PCDHA9: variants seen among roughly 807,000 people sequenced by gnomAD.
The protein encoded by PCDHA9 is protocadherin alpha-9.
PCDHA9 carries 62 observed loss-of-function variants against 62.0 expected under a neutral mutation model. The observed-to-expected ratio is 1.00, with a 90% CI of 0.81 to 1.23. The LOEUF (loss-of-function observed/expected upper bound fraction) is 1.23. Ranked by LOEUF, PCDHA9 falls within the 50% of genes most tolerant of loss-of-function variation. PCDHA9 has a pLI of 0.00. For missense variants in PCDHA9, 1,205 were observed against 1,249.8 expected (o/e 0.96, Z 0.54); for synonymous variants, 557 against 567.6 (o/e 0.98, Z 0.27).
At chr5:140,906,403 T>A (rs1583592944) in intron 1 of PCDHA9, among the ~76,000 whole-genome samples, 1 of 152,220 alleles carries the variant, frequency 6.6e-6, no homozygotes, top group East Asian at 1.9e-4. Context: ...AATTTTCATA[T>A]GAAGTCAATA....
At chr5:140,933,618 G>T (rs2089270614) in intron 1 of PCDHA9, among the ~76,000 whole-genome samples, 1 of 151,904 alleles carries the variant, frequency 6.6e-6, no homozygotes, top group African/African-American at 2.4e-5. Flanking sequence ...TTCTTATTAG[G>T]TTAGGCTGGC....
chr5:140,996,630 A>G (rs765477034), intron 3 of PCDHA9, among the ~76,000 whole-genome samples: 10 of 152,210 alleles, frequency 6.6e-5, no homozygotes, highest in Non-Finnish European at 1.5e-4. Flanking sequence ...TGGTTCCTGC[A>G]AATTATGTAG....
chr5:140,851,635 T>TG lies in PCDHA9; in HGVS notation c.2394+746_2394+747insG, dbSNP rs758488624. On this transcript the variant is annotated intron_variant, in intron 1 of 3. Coordinates refer to ENST00000532602, the MANE Select transcript of PCDHA9 (RefSeq NM_031857.2). ...AGAAAATGCTTTTTAAACAAGTGTTTCCTTTCTTCAAGAAGACATTCTCCT... is the reference window on the plus strand; with the variant it reads ...AGAAAATGCTTTTTAAACAAGTGTTTGCCTTTCTTCAAGAAGACATTCTCCT... 201 of 917,124 alleles carry TG rather than the reference T, an allele frequency of 2.2e-4. 10 individuals are homozygous for TG. The highest frequency in any genetic ancestry group is 3.2e-4 in the Admixed American group (5 of 15,868). The allele number at this position is 917,124 out of a possible 1,614,324, so 56.8% of individuals were successfully genotyped here. A position where few individuals can be genotyped will look rare whatever the true frequency, so the allele number is the denominator to read the frequency against.
chr5:140,872,332 T>G (rs2053600467), intron 1 of PCDHA9, among the ~76,000 whole-genome samples: 1 of 152,172 alleles, frequency 6.6e-6, no homozygotes, highest in African/African-American at 2.4e-5. Context: ...ATGACTAAAA[T>G]TCTACATGTT....
At chr5:140,982,217 C>A in intron 2 of PCDHA9, 1 of 507,664 alleles carries the variant, frequency 2.0e-6, no homozygotes, top group Non-Finnish European at 3.1e-6. Flanking sequence ...CGCCACATGG[C>A]GTTAATAAAA....
At chr5:140,889,027 C>A (rs1004891593) in intron 1 of PCDHA9, among the ~76,000 whole-genome samples, 5 of 151,910 alleles carry the variant, frequency 3.3e-5, no homozygotes, top group African/African-American at 1.2e-4. Context: ...CCTTGGATAA[C>A]CGTAATTTGA....
Position 140,884,200 on chromosome 5 carries a change from C to T in PCDHA9, c.2394+33311C>T, listed in dbSNP as rs2060048327. 2.5e-6 allele frequency: 4 copies of T among 1,613,458 alleles called. No individual in the cohort carries two copies. The Admixed American group carries it at 5.0e-5, about 20-fold the overall frequency. Reference sequence around the variant, plus strand: ...CTCTGGACGAGGTGGACGCGCCGCACCACCGCCTTCTGGTGCTGGTGAAGG... The same window carrying T: ...CTCTGGACGAGGTGGACGCGCCGCATCACCGCCTTCTGGTGCTGGTGAAGG... On this transcript the variant is annotated intron_variant, in intron 1 of 3. Transcript: ENST00000532602.
chr5:140,884,688 CTTA>C (rs782481361), intron 1 of PCDHA9: 8 of 1,535,868 alleles, frequency 5.2e-6, no homozygotes, highest in Non-Finnish European at 8.8e-7. Flanking sequence ...AAAAAATTGT[CTTA>C]GTAAACACTT....
chr5:140,862,720 G>T (rs558152493), intron 1 of PCDHA9: 18 of 566,048 alleles, frequency 3.2e-5, no homozygotes, highest in Non-Finnish European at 6.2e-5. Flanking sequence ...GGGCGAGTGC[G>T]CGCTGTCTAG....
intron 1 of PCDHA9, among the ~76,000 whole-genome samples, chr5:140,944,732 G>A (rs1351639657): frequency 6.6e-6 from 1 of 152,142 alleles, no homozygotes; most frequent in Non-Finnish European, 1.5e-5. Context: ...ACCTTAGTAA[G>A]TCTGAGCATT....
chr5:140,853,603 G>A (rs1358386755), intron 1 of PCDHA9: 2 of 987,254 alleles, frequency 2.0e-6, no homozygotes, highest in South Asian at 4.7e-5. Flanking sequence ...GAGAGCAAAG[G>A]GGGTGCTGTA....
chr5:140,888,494 T>C (rs1554183489), intron 1 of PCDHA9, among the ~76,000 whole-genome samples: 1 of 152,236 alleles, frequency 6.6e-6, no homozygotes, highest in Non-Finnish European at 1.5e-5. Context: ...GAAACTCTGC[T>C]TTAAAGAGTC....
intron 1 of PCDHA9, chr5:140,857,046 G>A: frequency 6.3e-7 from 1 of 1,595,842 alleles, no homozygotes; most frequent in African/African-American, 1.3e-5. Context: ...GTTGGTCACT[G>A]CACGGTCCTA....
intron 1 of PCDHA9, among the ~76,000 whole-genome samples, chr5:140,964,816 T>A (rs79964853): frequency 0.016 from 2,494 of 151,960 alleles, 68 homozygotes; most frequent in African/African-American, 0.056. Context: ...CAGGAATAGA[T>A]TTTGATGAAA....
At chr5:140,976,486 G>T (rs782708902) in intron 1 of PCDHA9, among the ~76,000 whole-genome samples, 1 of 152,078 alleles carries the variant, frequency 6.6e-6, no homozygotes, top group Non-Finnish European at 1.5e-5. Context: ...GGGAGGCAGA[G>T]GTTGCAGGGA....
rs782607699 is a variant in PCDHA9, at chr5:140,926,577, C to A, written c.2395-52372C>A. ...CAGCCCGCTGCTACTGGAGACAGCA[C>A]CTCTCGCGCCCGGGCGGGCGGCCTC... On this transcript the variant is annotated intron_variant, in intron 1 of 3. Coordinates refer to ENST00000532602, the MANE Select transcript of PCDHA9 (RefSeq NM_031857.2). The A allele has an allele frequency of 2.5e-5, 7 of 275,464 alleles. No individual in the cohort carries two copies. In the Middle Eastern group the frequency reaches 3.1e-3, roughly 122 times the overall value. The allele number at this position is 275,464 out of a possible 1,614,324, so 17.1% of individuals were successfully genotyped here. A position where few individuals can be genotyped will look rare whatever the true frequency, so the allele number is the denominator to read the frequency against.
chr5:140,858,438 T>C (rs1175682550), intron 1 of PCDHA9: 1 of 1,540,812 alleles, frequency 6.5e-7, no homozygotes, highest in Admixed American at 2.0e-5. Context: ...TCTAGGAAGG[T>C]GGGTTATTAC....
rs10569930 is a variant in PCDHA9, at chr5:140,925,641, TATAATAATAATA to T, written c.2395-53282_2395-53271del. On this transcript the variant is annotated intron_variant, in intron 1 of 3. Coordinates refer to ENST00000532602, the MANE Select transcript of PCDHA9 (RefSeq NM_031857.2). ...TGCACATGTACCCTAGAACTTAAAG[TATAATAATAATA>T]ATAATAATAATAATAATAATAATAA... Among the ~76,000 whole-genome samples the T allele has an allele frequency of 2.0e-4, 29 of 143,352 alleles. 1 individual carries two copies. Among genetic ancestry groups the T allele is most frequent in the Admixed American group, 7.0e-4 (10 of 14,330 alleles). 94.0% of individuals were successfully genotyped at this position (143,352 alleles called of 152,430 possible). A position where few individuals can be genotyped will look rare whatever the true frequency, so the allele number is the denominator to read the frequency against.
chr5:140,927,493 C>G, intron 1 of PCDHA9: 1 of 1,614,144 alleles, frequency 6.2e-7, no homozygotes. Flanking sequence ...CACCCACCTG[C>G]TGGTGCTTAC....
Sources: allele counts gnomAD v4.1 joint callset (sites outside exome capture counted in the v4.1 genomes callset), GRCh38; gene constraint gnomAD v4.1.1; transcripts MANE v1.5; gene names NCBI Gene and HGNC (gene_info 2026-07-23, HGNC 2026-07-21).